TSHZ2: variants seen among roughly 807,000 people sequenced by gnomAD.
The protein encoded by TSHZ2 is teashirt zinc finger homeobox 2.
A neutral mutation model predicts 74.4 loss-of-function variants in TSHZ2; 21 were observed. The ratio of observed to expected loss-of-function variants is 0.28; its 90% confidence interval spans 0.20 to 0.41. The LOEUF is 0.41. TSHZ2 is among the 10% of genes least tolerant of loss of function. The pLI, the probability that TSHZ2 is intolerant of heterozygous loss-of-function variation, is 1.00. For synonymous variants in TSHZ2, 540 were observed against 515.3 expected, an observed-to-expected ratio of 1.05 and a Z score of -0.65; for missense variants, 1,244 against 1,293.5, an observed-to-expected ratio of 0.96 and a Z score of 0.59.
At chr20:53,192,913 A>C (rs1399888566) in intron 1 of TSHZ2, among the ~76,000 whole-genome samples, 1 of 152,200 alleles carries the variant, frequency 6.6e-6, no homozygotes, top group Non-Finnish European at 1.5e-5. Context: ...TTGAGATAGG[A>C]TCTAAGCCAG....
At chr20:53,147,904 C>T (rs1459088971) in intron 1 of TSHZ2, among the ~76,000 whole-genome samples, 1 of 152,036 alleles carries the variant, frequency 6.6e-6, no homozygotes, top group Non-Finnish European at 1.5e-5. Context: ...TTTAGTAGAG[C>T]TGGGGTTTCA....
chr20:53,262,171 A>G (rs1380627112), intron 2 of TSHZ2, among the ~76,000 whole-genome samples: 1 of 152,166 alleles, frequency 6.6e-6, no homozygotes, highest in Non-Finnish European at 1.5e-5. Flanking sequence ...ACAAACAGAG[A>G]AAAAGAAGTC....
intron 1 of TSHZ2, among the ~76,000 whole-genome samples, chr20:53,128,451 T>C (rs1338575063): frequency 1.3e-5 from 2 of 152,198 alleles, no homozygotes; most frequent in Non-Finnish European, 2.9e-5. Flanking sequence ...TTTTTGTTTA[T>C]ATTTTAAGAC....
At chr20:53,173,865 CTTGTT>C (rs971991937) in intron 1 of TSHZ2, among the ~76,000 whole-genome samples, 4 of 152,046 alleles carry the variant, frequency 2.6e-5, no homozygotes, top group African/African-American at 4.8e-5. Flanking sequence ...CACCCAGGAT[CTTGTT>C]TTGTTTTGTT....
intron 2 of TSHZ2, among the ~76,000 whole-genome samples, chr20:53,310,489 C>G (rs993866721): frequency 6.6e-6 from 1 of 152,226 alleles, no homozygotes; most frequent in East Asian, 1.9e-4. Flanking sequence ...GTCCAGGCAC[C>G]AGTTAGGTGA....
At chr20:53,105,507 C>T (rs1424402830) in intron 1 of TSHZ2, among the ~76,000 whole-genome samples, 1 of 152,138 alleles carries the variant, frequency 6.6e-6, no homozygotes, top group Non-Finnish European at 1.5e-5. Flanking sequence ...GATAACTTGG[C>T]GCCTTCAGAA....
intron 1 of TSHZ2, among the ~76,000 whole-genome samples, chr20:53,227,961 T>G (rs956440209): frequency 6.6e-6 from 1 of 152,000 alleles, no homozygotes; most frequent in African/African-American, 2.4e-5. Context: ...AAAACAAAGT[T>G]TATATCAAAT....
At chr20:53,408,799 C>T (rs1301709220) in intron 2 of TSHZ2, among the ~76,000 whole-genome samples, 1 of 152,214 alleles carries the variant, frequency 6.6e-6, no homozygotes, top group Non-Finnish European at 1.5e-5. Context: ...ACGTATCTTT[C>T]ACTCTGTATA....
intron 2 of TSHZ2, among the ~76,000 whole-genome samples, chr20:53,485,640 C>T (rs1476472574): frequency 4.0e-5 from 6 of 151,386 alleles, no homozygotes; most frequent in South Asian, 2.1e-4. Flanking sequence ...ACCCAAGAGG[C>T]GGAGGTTGTA....
intron 2 of TSHZ2, among the ~76,000 whole-genome samples, chr20:53,441,712 G>A (rs1010612666): frequency 2.6e-5 from 4 of 151,886 alleles, no homozygotes; most frequent in African/African-American, 7.3e-5. Context: ...CCTCCGAGTA[G>A]CTGGGATTAC....
intron 2 of TSHZ2, among the ~76,000 whole-genome samples, chr20:53,434,864 A>G (rs935949011): frequency 9.2e-5 from 14 of 152,262 alleles, no homozygotes; most frequent in Admixed American, 6.5e-5. Context: ...CTGGATGCAC[A>G]GCTGCTGAGC....
intron 2 of TSHZ2, among the ~76,000 whole-genome samples, chr20:53,299,726 C>T (rs1053902476): frequency 6.6e-6 from 1 of 152,156 alleles, no homozygotes; most frequent in Non-Finnish European, 1.5e-5. Context: ...GACCACATGT[C>T]CCTACTTGCT....
At chr20:53,208,327 C>T (rs557587437) in intron 1 of TSHZ2, among the ~76,000 whole-genome samples, 2 of 152,170 alleles carry the variant, frequency 1.3e-5, no homozygotes, top group African/African-American at 4.8e-5. Context: ...ACTGTTCCTC[C>T]CTTTGGTAGA....
rs555457846 is a variant in TSHZ2, at chr20:53,489,434, G to A, written c.*2299G>A. 1 of 317,002 alleles carries A rather than the reference G, an allele frequency of 3.2e-6. No individual in the cohort carries two copies. Among genetic ancestry groups the A allele is most frequent in the South Asian group, 2.8e-5 (1 of 35,632 alleles). The allele number at this position is 317,002 out of a possible 1,614,324, so 19.6% of individuals were successfully genotyped here. A position where few individuals can be genotyped will look rare whatever the true frequency, so the allele number is the denominator to read the frequency against. On this transcript the variant is annotated 3_prime_UTR_variant, in exon 3 of 3. Coordinates refer to ENST00000371497, the MANE Select transcript of TSHZ2 (RefSeq NM_173485.6). Reference sequence around the variant, plus strand: ...TCAATGCATTAGTATTGGGGTTCTCGTAGCTGTTAAAAATTGTCTGCTCCA... The same window carrying A: ...TCAATGCATTAGTATTGGGGTTCTCATAGCTGTTAAAAATTGTCTGCTCCA...
chr20:53,317,399 T>C (rs1979067340), intron 2 of TSHZ2, among the ~76,000 whole-genome samples: 1 of 152,142 alleles, frequency 6.6e-6, no homozygotes, highest in Admixed American at 6.5e-5. Flanking sequence ...ATTGATTGCA[T>C]TGATCTCTGC....
At chr20:53,008,875 A>G (rs1982740872) in intron 1 of TSHZ2, among the ~76,000 whole-genome samples, 1 of 152,214 alleles carries the variant, frequency 6.6e-6, no homozygotes, top group South Asian at 2.1e-4. Context: ...TACCTGTGCT[A>G]AAGCTTAACT....
At chr20:53,418,434 G>C (rs1288997317) in intron 2 of TSHZ2, among the ~76,000 whole-genome samples, 1 of 152,218 alleles carries the variant, frequency 6.6e-6, no homozygotes, top group Non-Finnish European at 1.5e-5. Context: ...AAAAGAAAGA[G>C]AGATTTATTG....
chr20:53,412,224 G>A (rs947519697), intron 2 of TSHZ2, among the ~76,000 whole-genome samples: 3 of 152,162 alleles, frequency 2.0e-5, no homozygotes, highest in African/African-American at 4.8e-5. Flanking sequence ...AATTGGAGAA[G>A]GGCTCGATTC....
At chr20:53,209,694 G>T (rs1223379752) in intron 1 of TSHZ2, among the ~76,000 whole-genome samples, 2 of 152,188 alleles carry the variant, frequency 1.3e-5, no homozygotes, top group Non-Finnish European at 2.9e-5. Flanking sequence ...GGAATCAGCT[G>T]CTTTGCTTGG....
Sources: allele counts gnomAD v4.1 joint callset (sites outside exome capture counted in the v4.1 genomes callset), GRCh38; gene constraint gnomAD v4.1.1; transcripts MANE v1.5; gene names NCBI Gene and HGNC (gene_info 2026-07-23, HGNC 2026-07-21).